MDGA2: variants seen among roughly 807,000 people sequenced by gnomAD.
MDGA2 encodes the protein MAM domain-containing glycosylphosphatidylinositol anchor protein 2.
A neutral mutation model predicts 117.8 loss-of-function variants in MDGA2; 40 were observed. The observed-to-expected ratio is 0.34, with a 90% confidence interval of 0.26 to 0.44. The LOEUF (loss-of-function observed/expected upper bound fraction) is 0.44. MDGA2 is among the 20% of genes least tolerant of loss of function. The pLI is 1.00. For synonymous variants in MDGA2, 452 were observed against 439.0 expected (o/e 1.03, Z -0.37); for missense variants, 1,123 against 1,250.6 (o/e 0.90, Z 1.54).
intron 3 of MDGA2, among the ~76,000 whole-genome samples, chr14:47,204,276 C>T (rs1348401900): frequency 1.3e-5 from 2 of 151,794 alleles, no homozygotes; most frequent in Non-Finnish European, 2.9e-5. Context: ...ATGGACTTAC[C>T]ATGGAGAGAA....
rs36042383 is a variant in MDGA2 at position 47,351,078 on chromosome 14, A to ATTTTTTTTTTTT, written c.281-49540_281-49529dup. Among the ~76,000 whole-genome samples, 28 of 127,940 alleles carry ATTTTTTTTTTTT rather than the reference A, an allele frequency of 2.2e-4. 1 individual carries two copies. The highest frequency in any genetic ancestry group is 8.4e-4 in the South Asian group (3 of 3,556). 83.9% of individuals were successfully genotyped at this position (127,940 alleles called of 152,430 possible). A position where few individuals can be genotyped will look rare whatever the true frequency, so the allele number is the denominator to read the frequency against. On this transcript the variant is annotated intron_variant, in intron 1 of 16. Transcript: ENST00000399232. The stretch of plus-strand genomic sequence containing the variant: ...AGGTCAGTGCCACCAGGCCCGGCTA[A>ATTTTTTTTTTTT]TTTTTTTTTTTTTTTTTGAAACGAA...
At position 47,164,835 on chromosome 14, in the gene MDGA2, A is replaced by C. The variant is rs1883796334; in HGVS notation, c.596-20561T>G. On this transcript the variant is annotated intron_variant, in intron 3 of 16. Coordinates refer to ENST00000399232, the MANE Select transcript of MDGA2 (RefSeq NM_001113498.3). The stretch of plus-strand genomic sequence containing the variant: ...ATTGCAGCACTATTCACAATAGCAA[A>C]GACTGGGAACCAACCCAAATGTCCA... Among the ~76,000 whole-genome samples the C allele has an allele frequency of 2.6e-5, 4 of 152,180 alleles. No homozygotes were observed. The South Asian group carries it at 8.3e-4, about 32-fold the overall frequency.
intron 9 of MDGA2, among the ~76,000 whole-genome samples, chr14:46,930,114 G>GAA (rs35314428): frequency 0.047 from 7,077 of 150,520 alleles, 274 homozygotes; most frequent in Non-Finnish European, 0.071. Context: ...ACCCAAAGAA[G>GAA]AAAAAAAAAC....
In MDGA2 at chr14:47,061,405, T is replaced by C. The variant is rs375211154; in HGVS notation, c.1369A>G (p.Ile457Val). Residue 457 changes from isoleucine (I) to valine (V), a missense_variant, in exon 7 of 17, where the codon ATT (isoleucine) becomes GTT (valine). Ile to Val is a conservative substitution (Grantham distance 29). Transcript: ENST00000399232. The part of the protein sequence containing the change: ...RPLRSSERMV[I>V]TQTDPDVSPG... ...GAGACATCAGGATCAGTCTGTGTAA[T>C]GACCATCCGCTCAGAACTTCTTAAT... 1.9e-6 allele frequency: 3 copies of C among 1,613,712 alleles called. No individual in the cohort carries two copies. The highest frequency in any genetic ancestry group is 3.3e-5 in the Admixed American group (2 of 59,968).
intron 3 of MDGA2, among the ~76,000 whole-genome samples, chr14:47,190,527 C>T (rs1885069307): frequency 6.6e-6 from 1 of 152,054 alleles, no homozygotes; most frequent in South Asian, 2.1e-4. Flanking sequence ...GGTCAAAGTT[C>T]CCAGAAATAG....
At chr14:47,060,295 G>A (rs1365438564) in intron 7 of MDGA2, among the ~76,000 whole-genome samples, 1 of 152,018 alleles carries the variant, frequency 6.6e-6, no homozygotes, top group Non-Finnish European at 1.5e-5. Flanking sequence ...TTCTTAAGGA[G>A]TAAAATCAAT....
chr14:47,597,472 T>A (rs8015802), intron 1 of MDGA2, among the ~76,000 whole-genome samples: 61,296 of 151,850 alleles, frequency 0.4, 14,742 homozygotes, highest in East Asian at 0.69. Context: ...TTGGTAAAAT[T>A]TTCCAACTAT....
At chr14:47,587,204 A>G (rs2138851608) in intron 1 of MDGA2, among the ~76,000 whole-genome samples, 1 of 151,922 alleles carries the variant, frequency 6.6e-6, no homozygotes, top group South Asian at 2.1e-4. Flanking sequence ...TACTAGGCTT[A>G]ATACCTGGGT....
At chr14:47,298,160 C>T (rs1009550405) in intron 2 of MDGA2, among the ~76,000 whole-genome samples, 2 of 152,094 alleles carry the variant, frequency 1.3e-5, no homozygotes, top group African/African-American at 2.4e-5. Context: ...TGGGAGATTA[C>T]GGAACTTTTC....
At chr14:47,018,774 G>C (rs1441749527) in intron 8 of MDGA2, among the ~76,000 whole-genome samples, 1 of 92,530 alleles carries the variant, frequency 1.1e-5, no homozygotes, top group Non-Finnish European at 2.4e-5. Context: ...TCTCCATTGA[G>C]AGAATCAAAA....
intron 1 of MDGA2, among the ~76,000 whole-genome samples, chr14:47,496,957 G>A (rs1305580491): frequency 1.3e-5 from 2 of 151,912 alleles, no homozygotes; most frequent in Non-Finnish European, 2.9e-5. Flanking sequence ...ATAAGGAGCA[G>A]GCAAATTAGA....
chr14:47,348,342 G>A (rs1890805800), intron 1 of MDGA2, among the ~76,000 whole-genome samples: 2 of 151,858 alleles, frequency 1.3e-5, no homozygotes, highest in African/African-American at 2.4e-5. Context: ...CTCCAGAGTA[G>A]CTGAGATTAC....
intron 1 of MDGA2, among the ~76,000 whole-genome samples, chr14:47,303,659 G>T (rs1889353035): frequency 1.3e-5 from 2 of 151,902 alleles, no homozygotes. Context: ...ATAAATGCTT[G>T]CAAAATAAAA....
intron 1 of MDGA2, among the ~76,000 whole-genome samples, chr14:47,576,295 A>C (rs1302290556): frequency 6.6e-6 from 1 of 152,236 alleles, no homozygotes; most frequent in Non-Finnish European, 1.5e-5. Flanking sequence ...GTATTTCTAC[A>C]GTATAGACCA....
rs1473032368 is a variant in MDGA2, at chr14:46,929,619, A to T, written c.2090-9459T>A. ...TGTGTGTGTATATATATATATATAT[A>T]TATATATATATATATATATATATAT... On this transcript the variant is annotated intron_variant, in intron 9 of 16. Coordinates refer to ENST00000399232, the MANE Select transcript of MDGA2 (RefSeq NM_001113498.3). 1.3e-3 allele frequency among the ~76,000 whole-genome samples: 30 copies of T among 22,274 alleles called. 2 individuals are homozygous for T. Among genetic ancestry groups the T allele is most frequent in the African/African-American group, 3.2e-3 (22 of 6,896 alleles). 14.6% of individuals were successfully genotyped at this position (22,274 alleles called of 152,430 possible).
chr14:47,215,112 A>T (rs1886038116), intron 3 of MDGA2, among the ~76,000 whole-genome samples: 1 of 152,114 alleles, frequency 6.6e-6, no homozygotes, highest in Non-Finnish European at 1.5e-5. Context: ...CCACATGTGA[A>T]ATCAGTTTAG....
rs1210210448 is a variant in MDGA2, at chr14:47,611,539, T to C, written c.280+62978A>G. Among the ~76,000 whole-genome samples, 3 of 151,922 alleles carry C rather than the reference T, an allele frequency of 2.0e-5. No individual in the cohort carries two copies. The East Asian group carries it at 5.8e-4, about 29-fold the overall frequency. On this transcript the variant is annotated intron_variant, in intron 1 of 16. Transcript: ENST00000399232. ...AAAACAAACAATCCTATCGAAAAGT[T>C]GGCTAAGGACAAGAAGAGACAATTC...
At chr14:46,962,181 G>A (rs1885838617) in intron 8 of MDGA2, among the ~76,000 whole-genome samples, 1 of 152,152 alleles carries the variant, frequency 6.6e-6, no homozygotes, top group Admixed American at 6.5e-5. Flanking sequence ...TTAAGTGCAT[G>A]ACTTGAGGCT....
chr14:47,172,088 T>TG (rs1884172373), intron 3 of MDGA2, among the ~76,000 whole-genome samples: 1 of 152,028 alleles, frequency 6.6e-6, no homozygotes, highest in Non-Finnish European at 1.5e-5. Context: ...GCAGCAAGGC[T>TG]GGGGGAGGGG....
Sources: allele counts gnomAD v4.1 joint callset (sites outside exome capture counted in the v4.1 genomes callset), GRCh38; gene constraint gnomAD v4.1.1; transcripts MANE v1.5; gene names NCBI Gene and HGNC (gene_info 2026-07-23, HGNC 2026-07-21).